Variants in CADPS observed in about 807,000 individuals in gnomAD.
The protein encoded by CADPS is calcium dependent secretion activator.
In CADPS, 57 loss-of-function variants were observed where a neutral mutation model predicts 167.3. That is an observed-to-expected ratio of 0.34 (90% CI 0.28 to 0.42). The LOEUF is 0.42. Ranked by LOEUF, CADPS falls within the 20% of genes least tolerant of loss-of-function variation. The pLI, the probability that CADPS is intolerant of heterozygous loss-of-function variation, is 1.00. For missense variants in CADPS, 1,414 were observed against 1,738.1 expected (o/e 0.81, Z 3.32); for synonymous variants, 676 against 635.3 (o/e 1.06, Z -0.96).
rs1385161632 is a variant in CADPS, at chr3:62,631,401, T to C, written c.1325+14321A>G. On this transcript the variant is annotated intron_variant, in intron 6 of 29. Coordinates refer to ENST00000383710, the MANE Select transcript of CADPS (RefSeq NM_003716.4). ...AACACTCTATTTACAAAAGGACTTA[T>C]ACTGTTACTAGTTCCTGTGAAAGAC... 2.0e-5 allele frequency among the ~76,000 whole-genome samples: 3 copies of C among 152,198 alleles called. No individual in the cohort carries two copies. The East Asian group carries it at 5.8e-4, about 29-fold the overall frequency.
intron 17 of CADPS, chr3:62,499,666 G>C (rs1237857407): frequency 1.3e-5 from 2 of 154,380 alleles, no homozygotes; most frequent in East Asian, 3.7e-4. Flanking sequence ...TGTTACATTT[G>C]TTTTTTAGAT....
intron 21 of CADPS, 117 bp downstream of exon 21, chr3:62,491,222 G>T: frequency 8.8e-7 from 1 of 1,136,440 alleles, no homozygotes; most frequent in Non-Finnish European, 1.3e-6. Context: ...GAAATGTATG[G>T]TGTTTCTCTC....
chr3:62,720,750 T>G (rs1006948472), intron 3 of CADPS, among the ~76,000 whole-genome samples: 1 of 152,116 alleles, frequency 6.6e-6, no homozygotes, highest in Non-Finnish European at 1.5e-5. Context: ...CTGATTCTGC[T>G]TTACTTCAAA....
At chr3:62,506,337 G>A (rs762479382) in intron 17 of CADPS, among the ~76,000 whole-genome samples, 10 of 152,222 alleles carry the variant, frequency 6.6e-5, no homozygotes, top group South Asian at 2.1e-4. Context: ...GCAGTGAGCC[G>A]AGATCACCCC....
chr3:62,646,918 C>T (rs1254600801), intron 5 of CADPS, among the ~76,000 whole-genome samples: 1 of 152,126 alleles, frequency 6.6e-6, no homozygotes, highest in Non-Finnish European at 1.5e-5. Flanking sequence ...GTCTTTGGTC[C>T]AGACTGAGAG....
chr3:62,519,425 T>C (rs539190254), intron 13 of CADPS, among the ~76,000 whole-genome samples: 1 of 152,286 alleles, frequency 6.6e-6, no homozygotes, highest in African/African-American at 2.4e-5. Context: ...GCTTTCCTTC[T>C]TTTTTGATAA....
chr3:62,805,943 T>C (rs2094064377), intron 1 of CADPS, among the ~76,000 whole-genome samples: 1 of 152,150 alleles, frequency 6.6e-6, no homozygotes, highest in Non-Finnish European at 1.5e-5. Flanking sequence ...ACCAGTAACC[T>C]CCTCCCCTGC....
intron 1 of CADPS, among the ~76,000 whole-genome samples, chr3:62,773,621 T>C (rs1264513077): frequency 6.6e-6 from 1 of 152,184 alleles, no homozygotes; most frequent in Non-Finnish European, 1.5e-5. Context: ...TTACTTTTTG[T>C]TTTTGCATTA....
At chr3:62,444,785 G>C (rs1238523790) in intron 27 of CADPS, among the ~76,000 whole-genome samples, 3 of 151,930 alleles carry the variant, frequency 2.0e-5, no homozygotes, top group Admixed American at 2.0e-4. Flanking sequence ...AGCTTCCTGG[G>C]GAAATGAATT....
At chr3:62,561,467 CACTATGTT>C (rs1416008243) in intron 9 of CADPS, among the ~76,000 whole-genome samples, 1 of 150,836 alleles carries the variant, frequency 6.6e-6, no homozygotes, top group Non-Finnish European at 1.5e-5. Context: ...GGGGATGTCT[CACTATGTT>C]ACCTAGGCTG....
intron 8 of CADPS, among the ~76,000 whole-genome samples, chr3:62,573,372 C>T (rs2081648634): frequency 6.6e-6 from 1 of 152,066 alleles, no homozygotes; most frequent in South Asian, 2.1e-4. Flanking sequence ...AGATGTAGAA[C>T]TTGTGGATGG....
chr3:62,705,423 G>T (rs1460894880), intron 3 of CADPS, among the ~76,000 whole-genome samples: 1 of 152,104 alleles, frequency 6.6e-6, no homozygotes, highest in South Asian at 2.1e-4. Flanking sequence ...TTAATATTGA[G>T]TGTCAACTTG....
At chr3:62,649,067 T>C (rs974467901) in intron 5 of CADPS, among the ~76,000 whole-genome samples, 1 of 152,206 alleles carries the variant, frequency 6.6e-6, no homozygotes, top group Admixed American at 6.5e-5. Flanking sequence ...GCTTTAATGA[T>C]GTTTTAGAAA....
intron 1 of CADPS, among the ~76,000 whole-genome samples, chr3:62,859,591 T>C (rs2080377300): frequency 6.6e-6 from 1 of 152,216 alleles, no homozygotes; most frequent in Admixed American, 6.5e-5. Flanking sequence ...TTTGAAGGTC[T>C]ATACTGCTGA....
intron 7 of CADPS, among the ~76,000 whole-genome samples, chr3:62,591,262 C>T (rs531574594): frequency 6.6e-6 from 1 of 152,296 alleles, no homozygotes; most frequent in South Asian, 2.1e-4. Context: ...TCCAGTGGGG[C>T]AGACAGAAGC....
rs138890100 is a variant in CADPS at position 62,699,730 on chromosome 3, G to A, written c.889-37336C>T. ...ATTACAGGCATCTGCCACCACACCCGGCTAATTTTTGTATTTTTAGTAGAA... is the reference window on the plus strand; with the variant it reads ...ATTACAGGCATCTGCCACCACACCCAGCTAATTTTTGTATTTTTAGTAGAA... On this transcript the variant is annotated intron_variant, in intron 3 of 29. Coordinates refer to ENST00000383710, the MANE Select transcript of CADPS (RefSeq NM_003716.4). Among the ~76,000 whole-genome samples, 555 of 152,018 alleles carry A rather than the reference G, an allele frequency of 3.7e-3. 6 individuals carry two copies. The highest frequency in any genetic ancestry group is 0.013 in the African/African-American group (520 of 41,426).
At chr3:62,513,565 G>A in intron 16 of CADPS, 2 of 1,017,710 alleles carry the variant, frequency 2.0e-6, no homozygotes, top group Non-Finnish European at 3.0e-6. Flanking sequence ...AGTTGGTTTG[G>A]ATCTGGATTT....
At chr3:62,854,954 TCTCA>T (rs1307824005) in intron 1 of CADPS, among the ~76,000 whole-genome samples, 1 of 152,050 alleles carries the variant, frequency 6.6e-6, no homozygotes, top group African/African-American at 2.4e-5. Flanking sequence ...GGAAACAGAG[TCTCA>T]CTGTCACCCA....
intron 1 of CADPS, among the ~76,000 whole-genome samples, chr3:62,823,586 G>GT (rs2073429616): frequency 6.6e-6 from 1 of 152,134 alleles, no homozygotes; most frequent in Non-Finnish European, 1.5e-5. Context: ...AGATCAATGC[G>GT]TATCTCCAGG....
Sources: gnomAD v4.1 joint callset for allele counts (sites outside exome capture counted in the v4.1 genomes callset) on GRCh38, gnomAD v4.1.1 for gene constraint, MANE v1.5 for transcripts, NCBI Gene and HGNC (gene_info 2026-07-23, HGNC 2026-07-21) for gene names.